The following LHX2 variants were observed in gnomAD, a reference collection of about 807,000 sequenced individuals.
The protein encoded by LHX2 is LIM homeobox 2, also known as LIM/homeobox protein Lhx2.
Under a neutral mutation model 33.0 loss-of-function variants are expected in LHX2, and 6 were observed. The ratio of observed to expected loss-of-function variants is 0.18; its 90% CI spans 0.10 to 0.36. The LOEUF is 0.36. Ranked by LOEUF, LHX2 falls within the 10% of genes least tolerant of loss-of-function variation. The probability of loss-of-function intolerance (pLI) is 1.00; values close to 1 mark genes in which losing one functional copy is unlikely to be tolerated. For missense variants in LHX2, 442 were observed against 586.2 expected, an observed-to-expected ratio of 0.75 and a Z score of 2.54; for synonymous variants, 292 against 253.1, an observed-to-expected ratio of 1.15 and a Z score of -1.46.
At chr9:124,020,541 G>C (rs1310648128) in intron 3 of LHX2, among the ~76,000 whole-genome samples, 1 of 152,146 alleles carries the variant, frequency 6.6e-6, no homozygotes, top group African/African-American at 2.4e-5. Flanking sequence ...ACGGTAGGGG[G>C]AGACGGCAGA....
intron 4 of LHX2, 38 bp downstream of exon 4, chr9:124,021,342 C>A: frequency 6.3e-7 from 1 of 1,595,818 alleles, no homozygotes; most frequent in Non-Finnish European, 8.6e-7. Flanking sequence ...CTGCGACCAC[C>A]AGGGACTGGG....
Position 124,014,508 on chromosome 9 carries a change from C to T in LHX2, c.323+345C>T, listed in dbSNP as rs1169116619. On this transcript the variant is annotated intron_variant, in intron 2 of 4. Transcript: ENST00000373615. This position sits in a 1 kb window ranked among gnomAD's most constrained non-coding sequence, Gnocchi z 4.8. ...TAATCCGAGGTTATAGAAACAGGCACCCCCAAACCTAGGCAGCCCAAGCTG... is the reference window on the plus strand; with the variant it reads ...TAATCCGAGGTTATAGAAACAGGCATCCCCAAACCTAGGCAGCCCAAGCTG... Among the ~76,000 whole-genome samples the T allele has an allele frequency of 6.6e-6, 1 of 152,212 alleles. No homozygotes were observed. The highest frequency in any genetic ancestry group is 6.5e-5 in the Admixed American group (1 of 15,300).
Position 124,032,413 on chromosome 9 carries a change from C to T in LHX2, c.934-7C>T, listed in dbSNP as rs374544073. ...GCTCACCAGCCCTTCCCTGTCGTCCCCCGCAGGTCTGGTTCCAGAACGCCC... is the reference window on the plus strand; with the variant it reads ...GCTCACCAGCCCTTCCCTGTCGTCCTCCGCAGGTCTGGTTCCAGAACGCCC... On this transcript the variant is annotated splice_polypyrimidine_tract_variant and splice_region_variant and intron_variant, in intron 4 of 4. Coordinates refer to ENST00000373615, the MANE Select transcript of LHX2 (RefSeq NM_004789.4). The surrounding 1 kb of genome is among the most constrained non-coding windows in gnomAD (Gnocchi z 4.1). The T allele has an allele frequency of 1.3e-5, 21 of 1,575,478 alleles. No individual in the cohort carries two copies. The African/African-American group carries it at 2.7e-4, about 20-fold the overall frequency.
chr9:124,021,587 C>A (rs1483516249), intron 4 of LHX2, among the ~76,000 whole-genome samples: 1 of 152,108 alleles, frequency 6.6e-6, no homozygotes, highest in South Asian at 2.1e-4. Context: ...TCTTTTCTTT[C>A]TTCTAAACAA....
Position 124,015,057 on chromosome 9 carries a change from G to A in LHX2, c.324-65G>A. On this transcript the variant is annotated intron_variant, in intron 2 of 4. Transcript: ENST00000373615. This position sits in a 1 kb window ranked among gnomAD's most constrained non-coding sequence, Gnocchi z 7.9. Reference sequence around the variant, plus strand: ...GCCCCCCGCAGCAGCAGCGGCACCTGGAGGAGGAAAAGGGGGGTACCCAAC... The same window carrying A: ...GCCCCCCGCAGCAGCAGCGGCACCTAGAGGAGGAAAAGGGGGGTACCCAAC... 2 of 1,573,794 alleles carry A rather than the reference G, an allele frequency of 1.3e-6. No individual in the cohort carries two copies. Among genetic ancestry groups the A allele is most frequent in the Non-Finnish European group, 1.7e-6 (2 of 1,161,824 alleles).
rs756897654 is a variant in LHX2, at chr9:124,015,214, A to G, written c.416A>G (p.Asn139Ser). 3.7e-6 allele frequency: 6 copies of G among 1,614,028 alleles called. No individual in the cohort carries two copies. Among genetic ancestry groups the G allele is most frequent in the Admixed American group, 3.3e-5 (2 of 60,014 alleles). The change falls in exon 3 of 5, where the codon AAC becomes AGC. Residue 139 changes from asparagine (N) to serine (S), a missense_variant. This residue lies in a region of LHX2 where 72 missense variants were observed against 171.6 expected (regional missense o/e 0.42). Transcript: ENST00000373615. The surrounding 1 kb of genome is among the most constrained non-coding windows in gnomAD (Gnocchi z 7.9). The stretch of plus-strand genomic sequence containing the variant: ...GCTCGGGACTTGGTTTATCACCTCA[A>G]CTGCTTCACGTGCACCACGTGTAAC... ...MRARDLVYHLNCFTCTTCNKM... is the reference protein window; with the variant it reads ...MRARDLVYHLSCFTCTTCNKM...
chr9:124,015,326 G>A lies in LHX2; in HGVS notation c.528G>A (p.Glu176=). Residue 176 remains glutamate (E), a synonymous_variant, in exon 3 of 5, where the codon GAG becomes GAA. Transcript: ENST00000373615. The surrounding 1 kb of genome is among the most constrained non-coding windows in gnomAD (Gnocchi z 7.9). ...RLHFEALLQG[E]YPAHFNHADV... Reference sequence around the variant, plus strand: ...ACTTCGAGGCGCTGCTGCAGGGCGAGTACCCCGCACACTTCAACCATGCCG... The same window carrying A: ...ACTTCGAGGCGCTGCTGCAGGGCGAATACCCCGCACACTTCAACCATGCCG... 2 of 1,613,808 alleles carry A rather than the reference G, an allele frequency of 1.2e-6. No homozygotes were observed. The highest frequency in any genetic ancestry group is 1.3e-5 in the African/African-American group (1 of 75,062).
chr9:124,021,542 G>A (rs912995471), intron 4 of LHX2, among the ~76,000 whole-genome samples: 2 of 151,658 alleles, frequency 1.3e-5, no homozygotes, highest in Admixed American at 6.6e-5. Flanking sequence ...TTCTGTTTGC[G>A]TATCGCTCCA....
In LHX2 at chr9:124,032,273, A is replaced by C. The variant is rs1412780603; in HGVS notation, c.934-147A>C. Reference sequence around the variant, plus strand: ...AAAACAAAAACAAAAAAACCAAAAAAGCAAAATATTGCCAACCTGACTTTT... The same window carrying C: ...AAAACAAAAACAAAAAAACCAAAAACGCAAAATATTGCCAACCTGACTTTT... On this transcript the variant is annotated intron_variant, in intron 4 of 4. Transcript: ENST00000373615. The surrounding 1 kb of genome is among the most constrained non-coding windows in gnomAD (Gnocchi z 4.1). 2.0e-6 allele frequency: 2 copies of C among 1,019,590 alleles called. No homozygotes were observed. The highest frequency in any genetic ancestry group is 2.8e-6 in the Non-Finnish European group (2 of 723,404). 63.2% of individuals were successfully genotyped at this position (1,019,590 alleles called of 1,614,324 possible).
At position 124,012,217 on chromosome 9, in the gene LHX2, G is replaced by A. The variant is rs1162287686; in HGVS notation, c.-132G>A. On this transcript the variant is annotated 5_prime_UTR_variant, in exon 1 of 5. Coordinates refer to ENST00000373615, the MANE Select transcript of LHX2 (RefSeq NM_004789.4). This position sits in a 1 kb window ranked among gnomAD's most constrained non-coding sequence, Gnocchi z 4.3. Reference sequence around the variant, plus strand: ...CGGAGCCCGGCCTGGGGGCTCAGCCGAGCTCGGGCGGGGCCGGGGCCGCGG... The same window carrying A: ...CGGAGCCCGGCCTGGGGGCTCAGCCAAGCTCGGGCGGGGCCGGGGCCGCGG... The A allele has an allele frequency of 6.3e-6, 6 of 946,294 alleles. No individual in the cohort carries two copies. Among genetic ancestry groups the A allele is most frequent in the Admixed American group, 9.7e-5 (2 of 20,674 alleles). The allele number at this position is 946,294 out of a possible 1,614,324, so 58.6% of individuals were successfully genotyped here.
intron 4 of LHX2, among the ~76,000 whole-genome samples, chr9:124,029,862 C>T (rs1828684380): frequency 2.0e-5 from 3 of 152,222 alleles, no homozygotes; most frequent in African/African-American, 7.2e-5. Context: ...TTGGGGAAGT[C>T]ACTTCCTCTC....
chr9:124,017,678 G>T (rs1859215059), intron 3 of LHX2, among the ~76,000 whole-genome samples: 1 of 152,154 alleles, frequency 6.6e-6, no homozygotes, highest in Non-Finnish European at 1.5e-5. Flanking sequence ...CTTGCTCTGG[G>T]GACAGTCCCT....
At chr9:124,020,920 C>T (rs1376968408) in intron 3 of LHX2, among the ~76,000 whole-genome samples, 179 bp from the exon 4 acceptor site, 1 of 152,192 alleles carries the variant, frequency 6.6e-6, no homozygotes, top group Admixed American at 6.5e-5. Context: ...GGGTGGATCG[C>T]TGTCTCTGAG....
At chr9:124,027,311 A>C (rs1339141684) in intron 4 of LHX2, among the ~76,000 whole-genome samples, 1 of 152,238 alleles carries the variant, frequency 6.6e-6, no homozygotes, top group Non-Finnish European at 1.5e-5. Context: ...AGAGCACAGG[A>C]ATCCAATAAT....
chr9:124,032,152 GGATCGCTT>G lies in LHX2; in HGVS notation c.934-263_934-256del. On this transcript the variant is annotated intron_variant, in intron 4 of 4. Coordinates refer to ENST00000373615, the MANE Select transcript of LHX2 (RefSeq NM_004789.4). This position sits in a 1 kb window ranked among gnomAD's most constrained non-coding sequence, Gnocchi z 4.1. ...AGCTACCCAGGAGGCTGAGGCGGGA[GGATCGCTT>G]GATCCCAGGAGTTAGAAGCTGCAGT... The G allele has an allele frequency of 2.5e-6, 1 of 400,392 alleles. No homozygotes were observed. Among genetic ancestry groups the G allele is most frequent in the Non-Finnish European group, 4.4e-6 (1 of 226,184 alleles). 24.8% of individuals were successfully genotyped at this position (400,392 alleles called of 1,614,324 possible).
At chr9:124,030,031 C>A (rs944804223) in intron 4 of LHX2, among the ~76,000 whole-genome samples, 2 of 152,194 alleles carry the variant, frequency 1.3e-5, no homozygotes, top group African/African-American at 2.4e-5. Context: ...TATTTGCCAG[C>A]CCCCAGAAGG....
chr9:124,017,209 T>G (rs1859206924), intron 3 of LHX2, among the ~76,000 whole-genome samples: 1 of 152,188 alleles, frequency 6.6e-6, no homozygotes, highest in Admixed American at 6.5e-5. Flanking sequence ...CTTTTTTTCC[T>G]TTCCGTTCTC....
intron 4 of LHX2, among the ~76,000 whole-genome samples, chr9:124,030,613 T>C (rs930716713): frequency 6.7e-6 from 1 of 148,696 alleles, no homozygotes; most frequent in Admixed American, 7.0e-5. Flanking sequence ...GTAGATGAAT[T>C]TCATTTTTCT....
At position 124,021,271 on chromosome 9, in the gene LHX2, G is replaced by T. The variant is rs756124870; in HGVS notation, c.900G>T (p.Ala300=). Residue 300 remains alanine, a synonymous_variant, in exon 4 of 5, where the codon GCG becomes GCT. Coordinates refer to ENST00000373615, the MANE Select transcript of LHX2 (RefSeq NM_004789.4). ...NPDAKDLKQL[A]QKTGLTKRVL... ...ACGCCAAGGACTTGAAGCAGCTCGC[G>T]CAAAAGACGGGCCTCACCAAGCGGG... The T allele has an allele frequency of 1.2e-6, 2 of 1,613,828 alleles. No homozygotes were observed. The highest frequency in any genetic ancestry group is 1.7e-6 in the Non-Finnish European group (2 of 1,180,048).
Sources: gnomAD v4.1 joint callset for allele counts (sites outside exome capture counted in the v4.1 genomes callset) on GRCh38, gnomAD v4.1.1 for gene constraint, gnomAD v4.1.1 regional missense constraint, Gnocchi (gnomAD v3.1) non-coding constraint, MANE v1.5 for transcripts, NCBI Gene and HGNC (gene_info 2026-07-23, HGNC 2026-07-21) for gene names.